ANKRD6: variants seen among roughly 807,000 people sequenced by gnomAD.
The protein encoded by ANKRD6 is ankyrin repeat domain-containing protein 6.
ANKRD6 carries 56 observed loss-of-function variants against 82.3 expected under a neutral mutation model. That is an observed-to-expected ratio of 0.68 (90% CI 0.55 to 0.85). ANKRD6 has a LOEUF of 0.85. Ranked by LOEUF, ANKRD6 falls within the 40% of genes least tolerant of loss-of-function variation. The pLI, the probability that ANKRD6 is intolerant of heterozygous loss-of-function variation, is 0.00. For missense variants in ANKRD6, 852 were observed against 907.6 expected, an observed-to-expected ratio of 0.94 and a Z score of 0.79; for synonymous variants, 347 against 352.1, an observed-to-expected ratio of 0.99 and a Z score of 0.16.
intron 1 of ANKRD6, among the ~76,000 whole-genome samples, chr6:89,566,418 G>A (rs1391975446): frequency 1.3e-5 from 2 of 152,224 alleles, no homozygotes; most frequent in African/African-American, 2.4e-5. Context: ...CTGGGGAAGC[G>A]GCACGTTAGC....
chr6:89,548,124 A>G (rs1785344759), intron 1 of ANKRD6, among the ~76,000 whole-genome samples: 2 of 152,350 alleles, frequency 1.3e-5, no homozygotes, highest in South Asian at 4.1e-4. Context: ...CAAAGATGTC[A>G]GTCATCGCCA....
At chr6:89,520,185 A>G (rs1481542047) in intron 1 of ANKRD6, among the ~76,000 whole-genome samples, 1 of 152,140 alleles carries the variant, frequency 6.6e-6, no homozygotes, top group African/African-American at 2.4e-5. Context: ...GGATCTCACC[A>G]TGTTGCCCAG....
At chr6:89,608,102 A>G (rs1799249804) in intron 5 of ANKRD6, among the ~76,000 whole-genome samples, 1 of 152,220 alleles carries the variant, frequency 6.6e-6, no homozygotes, top group South Asian at 2.1e-4. Flanking sequence ...AAAATAAAAA[A>G]GCGTTATCAG....
chr6:89,526,941 G>A (rs1219779203), intron 1 of ANKRD6, among the ~76,000 whole-genome samples: 1 of 152,194 alleles, frequency 6.6e-6, no homozygotes, highest in Non-Finnish European at 1.5e-5. Flanking sequence ...TCAGCAGGTT[G>A]GATGATGCTC....
chr6:89,555,019 A>G (rs1278816681), intron 1 of ANKRD6, among the ~76,000 whole-genome samples: 7 of 136,692 alleles, frequency 5.1e-5, no homozygotes, highest in Non-Finnish European at 1.1e-4. Context: ...GCCTCTCTCT[A>G]TCCTCTCCTC....
In ANKRD6 at chr6:89,496,176, G is replaced by GCCC. The variant is rs368122603; in HGVS notation, c.-144+62810_-144+62812dup. On this transcript the variant is annotated intron_variant, in intron 1 of 15. Transcript: ENST00000339746. Reference sequence around the variant, plus strand: ...GGATTAGCAAGCTTTTTTCCACACTGCCCCCCCCCCCACCATAATTAAAGT... The same window carrying GCCC: ...GGATTAGCAAGCTTTTTTCCACACTGCCCCCCCCCCCCCCACCATAATTAAAGT... Among the ~76,000 whole-genome samples the GCCC allele has an allele frequency of 1.8e-4, 25 of 138,084 alleles. No individual in the cohort carries two copies. The South Asian group carries it at 5.0e-3, about 28-fold the overall frequency. 90.6% of individuals were successfully genotyped at this position (138,084 alleles called of 152,430 possible). A position where few individuals can be genotyped will look rare whatever the true frequency, so the allele number is the denominator to read the frequency against.
At chr6:89,523,780 G>A (rs1260046409) in intron 1 of ANKRD6, among the ~76,000 whole-genome samples, 1 of 152,016 alleles carries the variant, frequency 6.6e-6, no homozygotes, top group Non-Finnish European at 1.5e-5. Context: ...ACTGTGTTAG[G>A]TGCTAAGCCT....
rs536361667 is a variant in ANKRD6, at chr6:89,585,582, T to C, written c.121-10334T>C. On this transcript the variant is annotated intron_variant, in intron 2 of 15. Coordinates refer to ENST00000339746, the MANE Select transcript of ANKRD6 (RefSeq NM_001242809.2). Reference sequence around the variant, plus strand: ...CTTAGTCTAATTAGCATAGGAAATATTGGAAACACGATTAGAGATGCAAGT... The same window carrying C: ...CTTAGTCTAATTAGCATAGGAAATACTGGAAACACGATTAGAGATGCAAGT... Among the ~76,000 whole-genome samples, 63 of 152,286 alleles carry C rather than the reference T, an allele frequency of 4.1e-4. No individual in the cohort carries two copies. The South Asian group carries it at 0.012, about 29-fold the overall frequency.
chr6:89,624,777 T>C (rs1360567320), intron 13 of ANKRD6, 86 bp downstream of exon 13: 1 of 1,473,240 alleles, frequency 6.8e-7, no homozygotes, highest in African/African-American at 1.4e-5. Context: ...AGCACACCCT[T>C]CCACCCTGGG....
intron 1 of ANKRD6, among the ~76,000 whole-genome samples, chr6:89,445,264 C>CTTT (rs1227274602): frequency 0.011 from 688 of 63,966 alleles, 4 homozygotes; most frequent in Non-Finnish European, 0.012. Flanking sequence ...AGAGATCTTT[C>CTTT]TTTTTTTTTT....
chr6:89,525,638 G>A (rs1467555187), intron 1 of ANKRD6, among the ~76,000 whole-genome samples: 2 of 152,200 alleles, frequency 1.3e-5, no homozygotes, highest in African/African-American at 4.8e-5. Context: ...CACTGGGCCT[G>A]TATCATAGAA....
chr6:89,539,835 A>G (rs933231063), intron 1 of ANKRD6, among the ~76,000 whole-genome samples: 1 of 146,412 alleles, frequency 6.8e-6, no homozygotes, highest in African/African-American at 2.5e-5. Flanking sequence ...TCTACTCTCT[A>G]TGTCCATAAG....
intron 1 of ANKRD6, among the ~76,000 whole-genome samples, chr6:89,456,624 G>A (rs1424871717): frequency 6.6e-6 from 1 of 152,188 alleles, no homozygotes; most frequent in Admixed American, 6.5e-5. Flanking sequence ...TATTGGGAGA[G>A]CTTTAATATA....
chr6:89,460,884 A>C (rs1160636468), intron 1 of ANKRD6, among the ~76,000 whole-genome samples: 1 of 149,822 alleles, frequency 6.7e-6, no homozygotes, highest in Non-Finnish European at 1.5e-5. Flanking sequence ...GGAATGTACT[A>C]ATACTACATC....
rs185533203 is a variant in ANKRD6 at position 89,531,506 on chromosome 6, C to T, written c.-143-35328C>T. ...TTCTCCCCCTAGTGCAAGCCTTTGA[C>T]ATCTGCACATGCTGCTTGCAGCAAC... is the stretch of plus-strand genomic sequence containing the variant. On this transcript the variant is annotated intron_variant, in intron 1 of 15. Coordinates refer to ENST00000339746, the MANE Select transcript of ANKRD6 (RefSeq NM_001242809.2). 2.3e-3 allele frequency among the ~76,000 whole-genome samples: 353 copies of T among 152,388 alleles called. 1 individual carries two copies. Among genetic ancestry groups the T allele is most frequent in the African/African-American group, 8.2e-3 (341 of 41,594 alleles).
intron 1 of ANKRD6, among the ~76,000 whole-genome samples, chr6:89,563,510 C>T (rs1444921833): frequency 6.6e-6 from 1 of 152,198 alleles, no homozygotes; most frequent in Admixed American, 6.5e-5. Flanking sequence ...ACATTTCTCA[C>T]TGCCAGCAAT....
intron 2 of ANKRD6, among the ~76,000 whole-genome samples, chr6:89,575,747 T>C (rs2128101831): frequency 6.6e-6 from 1 of 152,294 alleles, no homozygotes; most frequent in Admixed American, 6.5e-5. Context: ...AGAAGGAAAG[T>C]GACTTGTTCA....
chr6:89,502,461 G>A (rs1054141067), intron 1 of ANKRD6, among the ~76,000 whole-genome samples: 6 of 151,954 alleles, frequency 3.9e-5, no homozygotes, highest in Admixed American at 2.6e-4. Context: ...GCCTGGGCAA[G>A]GTGGCGAAAC....
At chr6:89,606,315 C>G (rs1208561612) in intron 5 of ANKRD6, among the ~76,000 whole-genome samples, 1 of 152,162 alleles carries the variant, frequency 6.6e-6, no homozygotes, top group Non-Finnish European at 1.5e-5. Flanking sequence ...CCAACAGCGC[C>G]AAAACCCTGC....
Sources: allele counts gnomAD v4.1 joint callset (sites outside exome capture counted in the v4.1 genomes callset), GRCh38; gene constraint gnomAD v4.1.1; transcripts MANE v1.5; gene names NCBI Gene and HGNC (gene_info 2026-07-23, HGNC 2026-07-21).